RRBP1: variants seen among roughly 807,000 people sequenced by gnomAD.
The protein encoded by RRBP1 is ribosome binding protein 1.
In RRBP1, 94 loss-of-function variants were observed where a neutral mutation model predicts 165.2. That is an observed-to-expected ratio of 0.57 (90% confidence interval 0.48 to 0.68). The LOEUF (loss-of-function observed/expected upper bound fraction) is 0.68, where lower values mean the gene tolerates loss of function less well. Ranked by LOEUF, RRBP1 falls within the 30% of genes least tolerant of loss-of-function variation. The pLI, the probability that RRBP1 is intolerant of heterozygous loss-of-function variation, is 0.00. For synonymous variants in RRBP1, 680 were observed against 714.5 expected, an observed-to-expected ratio of 0.95 and a Z score of 0.77; for missense variants, 1,676 against 1,763.0, an observed-to-expected ratio of 0.95 and a Z score of 0.88.
chr20:17,645,022 A>G (rs1410794039), intron 3 of RRBP1, among the ~76,000 whole-genome samples: 1 of 152,200 alleles, frequency 6.6e-6, no homozygotes, highest in Non-Finnish European at 1.5e-5. Flanking sequence ...CCTTTCCAGA[A>G]CCAGGGACCC....
chr20:17,629,474 C>T (rs568497372), intron 9 of RRBP1, among the ~76,000 whole-genome samples: 1 of 152,212 alleles, frequency 6.6e-6, no homozygotes, highest in South Asian at 2.1e-4. Context: ...ACAGCCACTG[C>T]GGACCCAGGC....
chr20:17,675,254 C>T (rs1166039573), intron 2 of RRBP1, among the ~76,000 whole-genome samples: 2 of 152,238 alleles, frequency 1.3e-5, no homozygotes, highest in African/African-American at 4.8e-5. Context: ...TTGCATTTGG[C>T]TCTGGAATAT....
At chr20:17,650,638 G>A (rs2036538776) in intron 3 of RRBP1, among the ~76,000 whole-genome samples, 2 of 152,228 alleles carry the variant, frequency 1.3e-5, no homozygotes, top group Admixed American at 1.3e-4. Context: ...CAGCAACAAT[G>A]AGTGAAGCAA....
intron 2 of RRBP1, among the ~76,000 whole-genome samples, chr20:17,677,563 G>A (rs2122518435): frequency 6.6e-6 from 1 of 152,310 alleles, no homozygotes; most frequent in East Asian, 1.9e-4. Context: ...ATGGAGGCCG[G>A]GCACGGTGGC....
At chr20:17,625,311 A>G (rs923907526) in intron 12 of RRBP1, among the ~76,000 whole-genome samples, 2 of 152,232 alleles carry the variant, frequency 1.3e-5, no homozygotes, top group Admixed American at 1.3e-4. Flanking sequence ...ATCCACAGGC[A>G]GTCAGCCCTG....
In RRBP1 at chr20:17,620,394, G is replaced by A. The variant is rs139531808; in HGVS notation, c.3508-24C>T. The A allele has an allele frequency of 1.7e-4, 278 of 1,599,816 alleles. No homozygotes were observed. In the African/African-American group the frequency reaches 3.3e-3, roughly 19 times the overall value. On this transcript the variant is annotated intron_variant, in intron 17 of 24. Transcript: ENST00000377813. ...GACTACAAAGCAAGGGGAAGGCTCCGTCAGACACGAGCACCTGGGGGTGTC... is the reference window on the plus strand; with the variant it reads ...GACTACAAAGCAAGGGGAAGGCTCCATCAGACACGAGCACCTGGGGGTGTC...
At chr20:17,624,735 A>T in intron 12 of RRBP1, 67 bp from the exon 13 acceptor site, 1 of 1,175,866 alleles carries the variant, frequency 8.5e-7, no homozygotes, top group Non-Finnish European at 1.2e-6. Flanking sequence ...AGCTGGTGTC[A>T]GACAGGACAG....
intron 22 of RRBP1, 122 bp downstream of exon 22, chr20:17,615,804 G>A (rs2035788637): frequency 3.5e-6 from 3 of 866,190 alleles, no homozygotes; most frequent in Non-Finnish European, 5.3e-6. Flanking sequence ...TGCCCAGAAG[G>A]CCCAGGCCCA....
At chr20:17,669,766 C>T (rs978656590) in intron 2 of RRBP1, among the ~76,000 whole-genome samples, 6 of 152,194 alleles carry the variant, frequency 3.9e-5, no homozygotes, top group African/African-American at 7.2e-5. Flanking sequence ...TGCTGGTATA[C>T]GGAAACGTAA....
chr20:17,629,305 C>T (rs1009571098), intron 9 of RRBP1, among the ~76,000 whole-genome samples: 3 of 152,222 alleles, frequency 2.0e-5, no homozygotes, highest in African/African-American at 4.8e-5. Context: ...CAGGGGCTCT[C>T]GGCCCTCCAT....
At chr20:17,617,052 C>T (rs2035815319) in intron 20 of RRBP1, among the ~76,000 whole-genome samples, 1 of 152,192 alleles carries the variant, frequency 6.6e-6, no homozygotes, top group Admixed American at 6.5e-5. Context: ...TAATGAGACC[C>T]AATGTGCTCT....
Position 17,616,772 on chromosome 20 carries a change from G to C in RRBP1, c.3827C>G (p.Ser1276Cys), listed in dbSNP as rs765211498. 7 of 1,612,634 alleles carry C rather than the reference G, an allele frequency of 4.3e-6. No homozygotes were observed. In the Admixed American group the frequency reaches 1.2e-4, roughly 27 times the overall value. ...CTCGGCTGGGGGCGCCTCTGGGGAGGAAGCTGGGGCCCCAGCTATGTCACC... is the reference window on the plus strand; with the variant it reads ...CTCGGCTGGGGGCGCCTCTGGGGAGCAAGCTGGGGCCCCAGCTATGTCACC... ...EDGDIAGAPA[S>C]SPEAPPAEQD... Residue 1276 changes from serine (S) to cysteine (C), a missense_variant, in exon 21 of 25, where the codon TCC (serine) becomes TGC (cysteine). Around this residue, in one of 5 missense-constraint regions of RRBP1, gnomAD observed 1,184 missense variants for 1,167.1 expected, o/e 1.01. Transcript: ENST00000377813.
At chr20:17,651,507 G>A (rs1295509974) in intron 3 of RRBP1, among the ~76,000 whole-genome samples, 1 of 152,160 alleles carries the variant, frequency 6.6e-6, no homozygotes, top group African/African-American at 2.4e-5. Flanking sequence ...AGTCATGCTA[G>A]GGAATATTAT....
intron 2 of RRBP1, among the ~76,000 whole-genome samples, chr20:17,661,546 C>T (rs766936670): frequency 2.6e-5 from 4 of 152,238 alleles, no homozygotes; most frequent in Non-Finnish European, 4.4e-5. Context: ...CTTCCTGCCA[C>T]AGCCCGGGCT....
intron 3 of RRBP1, among the ~76,000 whole-genome samples, chr20:17,656,997 ATTATCATCACAC>A (rs1600766814): frequency 6.6e-6 from 1 of 152,276 alleles, no homozygotes; most frequent in East Asian, 1.9e-4. Flanking sequence ...CCTTTCCAAT[ATTATCATCACAC>A]TTCTGTTTTG....
chr20:17,637,956 C>A (rs1479672666), intron 5 of RRBP1, among the ~76,000 whole-genome samples: 1 of 152,156 alleles, frequency 6.6e-6, no homozygotes, highest in Non-Finnish European at 1.5e-5. Flanking sequence ...GGTCACAGAG[C>A]CTTGGAGAGG....
rs545898145 is a variant in RRBP1, at chr20:17,616,848, G to A, written c.3760-9C>T. ...CTCAACTGCTGCCTGACCTGGAACA[G>A]GAAGGGGTGTGTTTGCAAATGCACA... On this transcript the variant is annotated splice_polypyrimidine_tract_variant and intron_variant, in intron 20 of 24. Transcript: ENST00000377813. The A allele has an allele frequency of 6.0e-5, 97 of 1,605,264 alleles. No homozygotes were observed. Among genetic ancestry groups the A allele is most frequent in the Admixed American group, 2.7e-4 (16 of 59,870 alleles).
chr20:17,651,699 ACTTT>A lies in RRBP1; in HGVS notation c.1912+6893_1912+6896del, dbSNP rs551149395. 1.7e-3 allele frequency among the ~76,000 whole-genome samples: 265 copies of A among 152,206 alleles called. 1 individual carries two copies. Among genetic ancestry groups the A allele is most frequent in the African/African-American group, 6.0e-3 (248 of 41,504 alleles). On this transcript the variant is annotated intron_variant, in intron 3 of 24. Transcript: ENST00000377813. Reference sequence around the variant, plus strand: ...ATGGTGATTGGGATGGAGCAAAAAGACTTTCTATTTTCACCTTCCATGCCTCCAT... The same window carrying A: ...ATGGTGATTGGGATGGAGCAAAAAGACTATTTTCACCTTCCATGCCTCCAT...
At chr20:17,619,863 A>G in intron 18 of RRBP1, 135 bp from the exon 19 acceptor site, 1 of 591,264 alleles carries the variant, frequency 1.7e-6, no homozygotes, top group Non-Finnish European at 3.0e-6. Context: ...GCTACCAAGC[A>G]AACGAGAAAC....
Sources: gnomAD v4.1 joint callset for allele counts (sites outside exome capture counted in the v4.1 genomes callset) on GRCh38, gnomAD v4.1.1 for gene constraint, gnomAD v4.1.1 regional missense constraint, MANE v1.5 for transcripts, NCBI Gene and HGNC (gene_info 2026-07-23, HGNC 2026-07-21) for gene names.